NIN: variants seen among roughly 807,000 people sequenced by gnomAD.
NIN encodes ninein, also known as glycogen synthase kinase 3 beta-interacting protein.
NIN carries 137 observed loss-of-function variants against 257.6 expected under a neutral mutation model. The ratio of observed to expected loss-of-function variants is 0.53; its 90% CI spans 0.46 to 0.61. The LOEUF (loss-of-function observed/expected upper bound fraction) is 0.61. NIN is among the 20% of genes least tolerant of loss of function. The pLI, the probability that NIN is intolerant of heterozygous loss-of-function variation, is 0.00. For missense variants in NIN, 2,439 were observed against 2,501.2 expected (o/e 0.98, Z 0.53); for synonymous variants, 918 against 919.8 (o/e 1.00, Z 0.04).
At chr14:50,784,344 A>C (rs932423780) in intron 5 of NIN, among the ~76,000 whole-genome samples, 1 of 152,152 alleles carries the variant, frequency 6.6e-6, no homozygotes, top group South Asian at 2.1e-4. Flanking sequence ...CTCGAGTTCA[A>C]TTTCCGCTCT....
Position 50,754,640 on chromosome 14 carries a change from G to A in NIN, c.4665-8C>T. ...ACAGTTTCCGTTTTTTGCCTAAAAG[G>A]AATGATGAAAATAAAATTTAATGGT... On this transcript the variant is annotated splice_polypyrimidine_tract_variant and splice_region_variant and intron_variant, in intron 19 of 30. Transcript: ENST00000530997. 5 of 1,605,306 alleles carry A rather than the reference G, an allele frequency of 3.1e-6. No homozygotes were observed. The highest frequency in any genetic ancestry group is 4.2e-6 in the Non-Finnish European group (5 of 1,176,550).
intron 2 of NIN, among the ~76,000 whole-genome samples, chr14:50,827,087 A>T (rs1282411022): frequency 2.6e-5 from 4 of 152,202 alleles, no homozygotes. Context: ...CCAATGATCA[A>T]ATTAAAGTGC....
At chr14:50,796,308 T>A (rs943956192) in intron 4 of NIN, among the ~76,000 whole-genome samples, 2 of 152,200 alleles carry the variant, frequency 1.3e-5, no homozygotes, top group Non-Finnish European at 2.9e-5. Flanking sequence ...CCTAGTTTAA[T>A]GATCTAGGTT....
intron 7 of NIN, 40 bp downstream of exon 7, chr14:50,776,909 T>C: frequency 1.3e-6 from 2 of 1,554,652 alleles, no homozygotes; most frequent in Non-Finnish European, 1.8e-6. Flanking sequence ...ACTACACTTT[T>C]ACCATCATTA....
intron 16 of NIN, 69 bp from the exon 17 acceptor site, chr14:50,760,428 C>T: frequency 1.1e-6 from 1 of 917,118 alleles, no homozygotes; most frequent in African/African-American, 1.8e-5. Flanking sequence ...AGTGATGGAG[C>T]AGCAATTGCT....
chr14:50,790,964 G>A (rs1001142032), intron 5 of NIN, among the ~76,000 whole-genome samples: 1 of 152,116 alleles, frequency 6.6e-6, no homozygotes, highest in African/African-American at 2.4e-5. Context: ...ATTCCTAGAT[G>A]AGGACTAGAA....
chr14:50,795,708 C>T lies in NIN; in HGVS notation c.266-2827G>A, dbSNP rs111294535. On this transcript the variant is annotated intron_variant, in intron 4 of 30. Coordinates refer to ENST00000530997, the MANE Select transcript of NIN (RefSeq NM_020921.4). ...TGGAGGCTTTTGGTTTATTAAGAAA[C>T]GAAATTATTGACATCACAGAGCTTC... 3.4e-3 allele frequency among the ~76,000 whole-genome samples: 516 copies of T among 152,298 alleles called. 1 individual carries two copies. Among genetic ancestry groups the T allele is most frequent in the Non-Finnish European group, 5.2e-3 (351 of 68,036 alleles).
chr14:50,731,298 G>A (rs1318947698), intron 28 of NIN, among the ~76,000 whole-genome samples: 1 of 152,158 alleles, frequency 6.6e-6, no homozygotes, highest in Admixed American at 6.5e-5. Context: ...GGGAGGCCGA[G>A]GTGGGCGGAT....
intron 7 of NIN, among the ~76,000 whole-genome samples, chr14:50,775,215 A>G (rs2042876846): frequency 6.6e-6 from 1 of 152,012 alleles, no homozygotes; most frequent in Non-Finnish European, 1.5e-5. Flanking sequence ...TTTTTTTTCA[A>G]TGTAGCAAAA....
At chr14:50,811,291 T>C (rs2044590840) in intron 3 of NIN, among the ~76,000 whole-genome samples, 1 of 151,828 alleles carries the variant, frequency 6.6e-6, no homozygotes, top group African/African-American at 2.4e-5. Flanking sequence ...GTGTTTTTAG[T>C]AGAGACGGGG....
In NIN at chr14:50,758,056, T is replaced by A; in HGVS notation, c.2974A>T (p.Asn992Tyr). The A allele has an allele frequency of 6.2e-7, 1 of 1,614,254 alleles. No individual in the cohort carries two copies. Among genetic ancestry groups the A allele is most frequent in the African/African-American group, 1.3e-5 (1 of 75,062 alleles). The change falls in exon 18 of 31, where the codon AAC (asparagine) becomes TAC (tyrosine). Residue 992 changes from asparagine to tyrosine, a missense_variant. By Grantham distance (143) the Asn-to-Tyr change is moderately radical. Coordinates refer to ENST00000530997, the MANE Select transcript of NIN (RefSeq NM_020921.4). ...GTCTCACAGGTCGCTTTGTGAATGT[T>A]CTCCATGGCTAGAAGCTTGGACATC... ...EMMSKLLAME[N>Y]IHKATCETAD...
chr14:50,830,152 C>A (rs2045636091), intron 2 of NIN, among the ~76,000 whole-genome samples: 1 of 152,190 alleles, frequency 6.6e-6, no homozygotes, highest in African/African-American at 2.4e-5. Flanking sequence ...GCTGTACGGG[C>A]GGCACATGCC....
chr14:50,816,703 A>G (rs1235323529), intron 3 of NIN, among the ~76,000 whole-genome samples: 1 of 152,202 alleles, frequency 6.6e-6, no homozygotes, highest in African/African-American at 2.4e-5. Context: ...CTGTCCAGAC[A>G]GGAAGCTACT....
Position 50,723,564 on chromosome 14 carries a change from TC to T in NIN, c.6300del (p.Lys2101ArgfsTer16), listed in dbSNP as rs2040310298. On this transcript the variant is annotated frameshift_variant, in exon 31 of 31. Transcript: ENST00000530997. LOFTEE classifies it high-confidence loss of function. The stretch of plus-strand genomic sequence containing the variant: ...TTCTCCTCCAGGAGGTAATTTTTCT[TC>T]TCTGCTGTTTTCTGTCGCTGTTCAG... Reference protein sequence around the residue: ...EVTEQRQKTAEKKNYLLEEKI... With the variant: ...EVTEQRQKTAXKKNYLLEEKI... The T allele has an allele frequency of 6.2e-7, 1 of 1,613,822 alleles. No homozygotes were observed. Among genetic ancestry groups the T allele is most frequent in the Non-Finnish European group, 8.5e-7 (1 of 1,179,880 alleles).
chr14:50,817,953 C>T (rs2044995181), intron 3 of NIN, among the ~76,000 whole-genome samples: 1 of 151,886 alleles, frequency 6.6e-6, no homozygotes, highest in Admixed American at 6.6e-5. Context: ...TGAGCTCCGG[C>T]AATCCACCTG....
At chr14:50,754,903 C>A (rs367660504) in intron 18 of NIN, 36 bp from the exon 19 acceptor site, 1 of 1,446,512 alleles carries the variant, frequency 6.9e-7, no homozygotes, top group African/African-American at 1.4e-5. Flanking sequence ...TGTTACAAGG[C>A]AGTCATCTGG....
At position 50,771,000 on chromosome 14, in the gene NIN, C is replaced by T. The variant is rs745435461; in HGVS notation, c.1119-8G>A. Reference sequence around the variant, plus strand: ...ACCTGATCAACTCGTTCCCTAGGATCAGAAGTACACTGAGTTAATGGGAAA... The same window carrying T: ...ACCTGATCAACTCGTTCCCTAGGATTAGAAGTACACTGAGTTAATGGGAAA... On this transcript the variant is annotated splice_polypyrimidine_tract_variant and splice_region_variant and intron_variant, in intron 10 of 30. Transcript: ENST00000530997. 1.9e-6 allele frequency: 3 copies of T among 1,612,208 alleles called. No individual in the cohort carries two copies. The highest frequency in any genetic ancestry group is 2.5e-6 in the Non-Finnish European group (3 of 1,179,304).
intron 4 of NIN, among the ~76,000 whole-genome samples, chr14:50,797,016 T>C (rs1001725144): frequency 6.6e-6 from 1 of 152,206 alleles, no homozygotes; most frequent in African/African-American, 2.4e-5. Context: ...ATATATTCAA[T>C]TGAATGCTTT....
chr14:50,732,983 G>A (rs2040794661), intron 28 of NIN, among the ~76,000 whole-genome samples: 1 of 152,152 alleles, frequency 6.6e-6, no homozygotes, highest in Admixed American at 6.5e-5. Flanking sequence ...TGGGAGGATT[G>A]CTTGAGCCCA....
Sources: gnomAD v4.1 joint callset for allele counts (sites outside exome capture counted in the v4.1 genomes callset) on GRCh38, gnomAD v4.1.1 for gene constraint, MANE v1.5 for transcripts, NCBI Gene and HGNC (gene_info 2026-07-23, HGNC 2026-07-21) for gene names.